TRAPPC8: variants seen among roughly 807,000 people sequenced by gnomAD.
TRAPPC8 encodes the protein general sporulation gene 1 homolog.
TRAPPC8 carries 54 observed loss-of-function variants against 174.3 expected under a neutral mutation model. That is an observed-to-expected ratio of 0.31 (90% CI 0.25 to 0.39). TRAPPC8 has a LOEUF of 0.39. Among genes scored for constraint, TRAPPC8 ranks in the 10% least tolerant of loss-of-function variants. The pLI is 1.00. For missense variants in TRAPPC8, 1,531 were observed against 1,699.1 expected (o/e 0.90, Z 1.74); for synonymous variants, 630 against 579.9 (o/e 1.09, Z -1.24).
At chr18:31,904,296 T>C (rs1398958723) in intron 9 of TRAPPC8, among the ~76,000 whole-genome samples, 1 of 151,142 alleles carries the variant, frequency 6.6e-6, no homozygotes, top group African/African-American at 2.4e-5. Context: ...ACGCCTGTAA[T>C]CCCAACATTT....
At chr18:31,837,742 T>A (rs1298501877) in intron 27 of TRAPPC8, among the ~76,000 whole-genome samples, 7 of 151,798 alleles carry the variant, frequency 4.6e-5, no homozygotes, top group Non-Finnish European at 1.0e-4. Context: ...AAAAAAAATA[T>A]TTTAAAAGTC....
chr18:31,850,243 AC>A, intron 24 of TRAPPC8, among the ~76,000 whole-genome samples: 1 of 152,244 alleles, frequency 6.6e-6, no homozygotes, highest in East Asian at 1.9e-4. Context: ...GAGACACTGC[AC>A]CCAGCTGCAA....
intron 9 of TRAPPC8, among the ~76,000 whole-genome samples, chr18:31,904,288 G>A (rs756959334): frequency 2.6e-5 from 4 of 151,642 alleles, no homozygotes; most frequent in African/African-American, 4.8e-5. Flanking sequence ...AATGGCTCAC[G>A]CCTGTAATCC....
At position 31,864,675 on chromosome 18, in the gene TRAPPC8, A is replaced by C; in HGVS notation, c.2697T>G (p.Pro899=). The part of the protein sequence containing the change: ...KEEKTSVKYG[P]DRRLDPIITE... ...TGATTATGGGATCTAAACGTCGATC[A>C]GGGCCATATTTAACAGATGTTTTCT... The change falls in exon 19 of 29, where the codon CCT becomes CCG. Residue 899 remains proline, a synonymous_variant. Transcript: ENST00000283351. The C allele has an allele frequency of 1.2e-6, 2 of 1,612,938 alleles. No homozygotes were observed. The highest frequency in any genetic ancestry group is 1.7e-6 in the Non-Finnish European group (2 of 1,179,442).
At chr18:31,916,131 G>A (rs1472162039) in intron 4 of TRAPPC8, 141 bp downstream of exon 4, 8 of 519,892 alleles carry the variant, frequency 1.5e-5, no homozygotes, top group South Asian at 4.6e-5. Context: ...AAAACATAAA[G>A]TTAAATGCTT....
At chr18:31,902,037 G>A (rs1055964121) in intron 9 of TRAPPC8, among the ~76,000 whole-genome samples, 11 of 152,152 alleles carry the variant, frequency 7.2e-5, no homozygotes, top group African/African-American at 1.4e-4. Flanking sequence ...TGAACTGGCC[G>A]GGTGTGGTGA....
intron 11 of TRAPPC8, chr18:31,896,482 TC>T (rs2036190201): frequency 6.8e-6 from 1 of 146,788 alleles, no homozygotes; most frequent in Non-Finnish European, 1.5e-5. Context: ...CAGGAATATC[TC>T]AAGCCATTTC....
rs200914062 is a variant in TRAPPC8 at position 31,907,448 on chromosome 18, T to C, written c.1389+12A>G. 463 of 1,578,952 alleles carry C rather than the reference T, an allele frequency of 2.9e-4. 1 individual carries two copies. The highest frequency in any genetic ancestry group is 4.6e-4 in the African/African-American group (34 of 73,934). The stretch of plus-strand genomic sequence containing the variant: ...GCAGAATTAAGGAATTATAATACCA[T>C]AGAATACCAACCAAGGCACCAGCTG... On this transcript the variant is annotated intron_variant, in intron 9 of 28. Coordinates refer to ENST00000283351, the MANE Select transcript of TRAPPC8 (RefSeq NM_014939.5).
At chr18:31,884,385 ATAG>A (rs1299454901) in intron 12 of TRAPPC8, among the ~76,000 whole-genome samples, 2 of 152,238 alleles carry the variant, frequency 1.3e-5, no homozygotes, top group African/African-American at 2.4e-5. Context: ...ATGTGAGCAT[ATAG>A]TGAATGTGTG....
chr18:31,862,429 G>C (rs975469866), intron 19 of TRAPPC8, among the ~76,000 whole-genome samples: 1 of 151,902 alleles, frequency 6.6e-6, no homozygotes. Flanking sequence ...GCATCTAAAA[G>C]AGAACCTGGT....
chr18:31,896,587 T>C lies in TRAPPC8; in HGVS notation c.1596+1199A>G, dbSNP rs148478371. Among the ~76,000 whole-genome samples, 454 of 152,318 alleles carry C rather than the reference T, an allele frequency of 3.0e-3. 2 individuals carry two copies. Among genetic ancestry groups the C allele is most frequent in the African/African-American group, 9.5e-3 (396 of 41,566 alleles). On this transcript the variant is annotated intron_variant, in intron 11 of 28. Coordinates refer to ENST00000283351, the MANE Select transcript of TRAPPC8 (RefSeq NM_014939.5). ...TTTTATGGGTTTATTTATATGTTAA[T>C]TTAAGATGCCTTGGAAACACGCAAG... is the stretch of plus-strand genomic sequence containing the variant.
At chr18:31,889,575 T>C (rs1265163228) in intron 12 of TRAPPC8, among the ~76,000 whole-genome samples, 4 of 152,156 alleles carry the variant, frequency 2.6e-5, no homozygotes, top group African/African-American at 9.7e-5. Flanking sequence ...TCAGATGCAC[T>C]TGCATTTACT....
chr18:31,931,367 T>C lies in TRAPPC8; in HGVS notation c.314A>G (p.Asn105Ser). Residue 105 changes from asparagine (N) to serine (S), a missense_variant, in exon 2 of 29, where the codon AAT (asparagine) becomes AGT (serine). Coordinates refer to ENST00000283351, the MANE Select transcript of TRAPPC8 (RefSeq NM_014939.5). ...GTCATAATCTCCTGCTGTAATCACA[T>C]TAGCTACTAATCCTTCTGCAGGCTG... ...GSQPAEGLVA[N>S]VITAGDYDLN... The C allele has an allele frequency of 6.2e-7, 1 of 1,609,062 alleles. No individual in the cohort carries two copies. The highest frequency in any genetic ancestry group is 1.7e-5 in the Admixed American group (1 of 59,262).
At chr18:31,929,207 AAAG>A in intron 2 of TRAPPC8, among the ~76,000 whole-genome samples, 1 of 151,212 alleles carries the variant, frequency 6.6e-6, no homozygotes, top group Non-Finnish European at 1.5e-5. Context: ...AAAAAAAAGA[AAAG>A]AATCCAGCCA....
At chr18:31,878,880 G>T (rs1372022339) in intron 12 of TRAPPC8, among the ~76,000 whole-genome samples, 1 of 152,060 alleles carries the variant, frequency 6.6e-6, no homozygotes, top group Non-Finnish European at 1.5e-5. Context: ...AAAAGACAAA[G>T]AAGGGAATTA....
At chr18:31,917,807 A>G (rs1177733092) in intron 2 of TRAPPC8, 140 bp from the exon 3 acceptor site, 2 of 690,818 alleles carry the variant, frequency 2.9e-6, no homozygotes, top group African/African-American at 1.8e-5. Flanking sequence ...CTGTGCTTTC[A>G]GATGTACATG....
At chr18:31,869,003 T>C (rs1245827303) in intron 16 of TRAPPC8, among the ~76,000 whole-genome samples, 2 of 131,694 alleles carry the variant, frequency 1.5e-5, no homozygotes, top group East Asian at 2.0e-4. Flanking sequence ...TCCAAAATCC[T>C]TTTTTTTTTT....
intron 12 of TRAPPC8, among the ~76,000 whole-genome samples, chr18:31,876,477 G>A (rs1598650014): frequency 3.5e-5 from 2 of 57,748 alleles, no homozygotes; most frequent in Middle Eastern, 0.014. Context: ...GCTACACTGC[G>A]AGACTCCATC....
At chr18:31,870,743 C>T (rs1339064983) in intron 15 of TRAPPC8, among the ~76,000 whole-genome samples, 183 bp downstream of exon 15, 1 of 152,212 alleles carries the variant, frequency 6.6e-6, no homozygotes, top group African/African-American at 2.4e-5. Context: ...TCCAACATCA[C>T]ATTGCAAATA....
Sources: gnomAD v4.1 joint callset for allele counts (sites outside exome capture counted in the v4.1 genomes callset) on GRCh38, gnomAD v4.1.1 for gene constraint, MANE v1.5 for transcripts, NCBI Gene and HGNC (gene_info 2026-07-23, HGNC 2026-07-21) for gene names.